Variants in HS6ST3 observed in about 807,000 individuals in gnomAD.
HS6ST3 encodes the protein heparan-sulfate 6-O-sulfotransferase 3.
Under a neutral mutation model 36.7 loss-of-function variants are expected in HS6ST3, and 12 were observed. That is an observed-to-expected ratio of 0.33 (90% CI 0.21 to 0.53). The LOEUF (loss-of-function observed/expected upper bound fraction) is 0.53. HS6ST3 is among the 20% of genes least tolerant of loss of function. The probability of loss-of-function intolerance (pLI) is 0.95; values close to 1 mark genes in which losing one functional copy is unlikely to be tolerated. For synonymous variants in HS6ST3, 240 were observed against 257.5 expected (o/e 0.93, Z 0.65); for missense variants, 584 against 640.9 (o/e 0.91, Z 0.96).
chr13:96,301,578 T>C (rs1447449391), intron 1 of HS6ST3, among the ~76,000 whole-genome samples: 1 of 152,086 alleles, frequency 6.6e-6, no homozygotes, highest in Non-Finnish European at 1.5e-5. Context: ...TCAGATGAAA[T>C]CTGAATTGTA....
chr13:96,267,047 G>A lies in HS6ST3; in HGVS notation c.707+175478G>A, dbSNP rs142540594. ...CCCAGTGGAAGGCAATTGAATCCTC[G>A]GAGCGGGTTTTTTGTGTGCTGGTCT... On this transcript the variant is annotated intron_variant, in intron 1 of 1. Coordinates refer to ENST00000376705, the MANE Select transcript of HS6ST3 (RefSeq NM_153456.4). Among the ~76,000 whole-genome samples, 37 of 152,266 alleles carry A rather than the reference G, an allele frequency of 2.4e-4. 1 individual carries two copies. The highest frequency in any genetic ancestry group is 1.4e-3 in the Admixed American group (22 of 15,302).
chr13:96,112,583 AT>A (rs1566884867), intron 1 of HS6ST3, among the ~76,000 whole-genome samples: 20 of 41,958 alleles, frequency 4.8e-4, no homozygotes, highest in African/African-American at 1.1e-3. Context: ...AAATAAATAT[AT>A]ATATATATAT....
chr13:96,329,787 A>T lies in HS6ST3; in HGVS notation c.707+238218A>T, dbSNP rs1348788937. Among the ~76,000 whole-genome samples, 279 of 118,072 alleles carry T rather than the reference A, an allele frequency of 2.4e-3. 3 individuals are homozygous for T. The highest frequency in any genetic ancestry group is 9.3e-3 in the African/African-American group (267 of 28,842). The allele number at this position is 118,072 out of a possible 152,430, so 77.5% of individuals were successfully genotyped here. A position where few individuals can be genotyped will look rare whatever the true frequency, so the allele number is the denominator to read the frequency against. On this transcript the variant is annotated intron_variant, in intron 1 of 1. Coordinates refer to ENST00000376705, the MANE Select transcript of HS6ST3 (RefSeq NM_153456.4). Reference sequence around the variant, plus strand: ...GTCTAATGTTGACAGTGGGGTGTTAAAGTCTCCCATTATTAATGTGTGGGA... The same window carrying T: ...GTCTAATGTTGACAGTGGGGTGTTATAGTCTCCCATTATTAATGTGTGGGA...
chr13:96,801,870 T>A lies in HS6ST3; in HGVS notation c.708-30620T>A, dbSNP rs910317609. ...TCAGTTGAACTGGAATAAATCATAA[T>A]GGGATTTATCATCTCACATGAACAG... On this transcript the variant is annotated intron_variant, in intron 1 of 1. Coordinates refer to ENST00000376705, the MANE Select transcript of HS6ST3 (RefSeq NM_153456.4). 3.9e-5 allele frequency among the ~76,000 whole-genome samples: 6 copies of A among 152,208 alleles called. No homozygotes were observed. The East Asian group carries it at 1.2e-3, about 29-fold the overall frequency.
Position 96,658,669 on chromosome 13 carries a change from G to A in HS6ST3, c.708-173821G>A, listed in dbSNP as rs982196076. 3.3e-5 allele frequency among the ~76,000 whole-genome samples: 5 copies of A among 150,728 alleles called. No homozygotes were observed. In the South Asian group the frequency reaches 8.5e-4, roughly 26 times the overall value. On this transcript the variant is annotated intron_variant, in intron 1 of 1. Coordinates refer to ENST00000376705, the MANE Select transcript of HS6ST3 (RefSeq NM_153456.4). Reference sequence around the variant, plus strand: ...GCTGTTATGAATGTTTTTGTATGGCGGTTATATGAACTCTTTTATTTATTT... The same window carrying A: ...GCTGTTATGAATGTTTTTGTATGGCAGTTATATGAACTCTTTTATTTATTT...
intron 1 of HS6ST3, among the ~76,000 whole-genome samples, chr13:96,112,010 A>G (rs546385194): frequency 2.6e-5 from 4 of 152,334 alleles, no homozygotes; most frequent in East Asian, 3.9e-4. Context: ...TTCCTGAAGA[A>G]GAAAAGTGAT....
intron 1 of HS6ST3, among the ~76,000 whole-genome samples, chr13:96,583,355 G>A (rs948410947): frequency 6.6e-6 from 1 of 150,984 alleles, no homozygotes; most frequent in African/African-American, 2.4e-5. Context: ...CTGAGATTAC[G>A]GGTGCGTGCC....
chr13:96,474,696 A>G (rs1175628976), intron 1 of HS6ST3, among the ~76,000 whole-genome samples: 1 of 152,212 alleles, frequency 6.6e-6, no homozygotes, highest in Non-Finnish European at 1.5e-5. Context: ...AGAAATCAGA[A>G]GCCCAGAAAA....
In HS6ST3 at chr13:96,735,431, T is replaced by G. The variant is rs79942687; in HGVS notation, c.708-97059T>G. Reference sequence around the variant, plus strand: ...ATCAATCATAAGTTACCTATATATTTTATCAATCTAAGTATTCACTGTAAA... The same window carrying G: ...ATCAATCATAAGTTACCTATATATTGTATCAATCTAAGTATTCACTGTAAA... On this transcript the variant is annotated intron_variant, in intron 1 of 1. Transcript: ENST00000376705. Among the ~76,000 whole-genome samples, 16 of 152,302 alleles carry G rather than the reference T, an allele frequency of 1.1e-4. 1 individual carries two copies. The East Asian group carries it at 3.1e-3, about 29-fold the overall frequency.
intron 1 of HS6ST3, among the ~76,000 whole-genome samples, chr13:96,217,034 C>T (rs1206167963): frequency 6.6e-6 from 1 of 152,146 alleles, no homozygotes; most frequent in Admixed American, 6.6e-5. Flanking sequence ...CGCCTGCACC[C>T]CCAGGGTGTG....
At chr13:96,389,822 A>C (rs954877235) in intron 1 of HS6ST3, among the ~76,000 whole-genome samples, 1 of 152,220 alleles carries the variant, frequency 6.6e-6, no homozygotes, top group African/African-American at 2.4e-5. Flanking sequence ...AAACAGAATC[A>C]AAATGGAGCT....
At chr13:96,538,338 T>C (rs185262068) in intron 1 of HS6ST3, among the ~76,000 whole-genome samples, 63 of 152,382 alleles carry the variant, frequency 4.1e-4, no homozygotes, top group Non-Finnish European at 5.7e-4. Context: ...ATATATTAAT[T>C]ATAGAGATCT....
At chr13:96,495,437 T>G (rs1373271556) in intron 1 of HS6ST3, among the ~76,000 whole-genome samples, 3 of 152,188 alleles carry the variant, frequency 2.0e-5, no homozygotes, top group Non-Finnish European at 4.4e-5. Flanking sequence ...CCCTTAGAAT[T>G]TTAACAGTGC....
At chr13:96,691,974 A>G (rs555106259) in intron 1 of HS6ST3, among the ~76,000 whole-genome samples, 2 of 152,254 alleles carry the variant, frequency 1.3e-5, no homozygotes, top group South Asian at 4.1e-4. Flanking sequence ...ATTTGAGCCT[A>G]AGCCTAAATA....
intron 1 of HS6ST3, among the ~76,000 whole-genome samples, chr13:96,316,291 G>A (rs1246262331): frequency 7.6e-6 from 1 of 130,732 alleles, no homozygotes; most frequent in Non-Finnish European, 1.7e-5. Flanking sequence ...GTGTGTGTGT[G>A]TGTGTGTGTA....
At chr13:96,337,515 G>T (rs1250748173) in intron 1 of HS6ST3, among the ~76,000 whole-genome samples, 1 of 151,988 alleles carries the variant, frequency 6.6e-6, no homozygotes, top group Non-Finnish European at 1.5e-5. Context: ...TTCCAGCATT[G>T]CTGTTGAGAT....
At chr13:96,176,587 C>T (rs1792712262) in intron 1 of HS6ST3, among the ~76,000 whole-genome samples, 1 of 151,920 alleles carries the variant, frequency 6.6e-6, no homozygotes, top group African/African-American at 2.4e-5. Flanking sequence ...TTCCAACAAA[C>T]CTGTCCACAT....
At chr13:96,633,040 T>C (rs1480267452) in intron 1 of HS6ST3, among the ~76,000 whole-genome samples, 2 of 152,344 alleles carry the variant, frequency 1.3e-5, no homozygotes, top group East Asian at 3.9e-4. Context: ...TTTTTTCATC[T>C]TGCTTTCCTG....
intron 1 of HS6ST3, among the ~76,000 whole-genome samples, chr13:96,205,013 C>T (rs1025036833): frequency 1.3e-5 from 2 of 151,798 alleles, no homozygotes; most frequent in African/African-American, 4.8e-5. Flanking sequence ...GAGATAGAGA[C>T]ACAAAAAACT....
Sources: allele counts gnomAD v4.1 joint callset (sites outside exome capture counted in the v4.1 genomes callset), GRCh38; gene constraint gnomAD v4.1.1; transcripts MANE v1.5; gene names NCBI Gene and HGNC (gene_info 2026-07-23, HGNC 2026-07-21).